WWOX: variants seen among roughly 807,000 people sequenced by gnomAD.
The protein encoded by WWOX is WW domain-containing oxidoreductase.
A neutral mutation model predicts 46.2 loss-of-function variants in WWOX; 69 were observed. That is an observed-to-expected ratio of 1.49 (90% CI 1.23 to 1.82). WWOX has a LOEUF of 1.82. Among genes scored for constraint, WWOX ranks in the 40% most tolerant of loss-of-function variants. The pLI is 0.00. For missense variants in WWOX, 919 were observed against 542.6 expected, an observed-to-expected ratio of 1.69 and a Z score of -6.89; for synonymous variants, 359 against 202.6, an observed-to-expected ratio of 1.77 and a Z score of -6.56.
At chr16:79,155,281 C>A (rs542937310) in intron 8 of WWOX, among the ~76,000 whole-genome samples, 1 of 152,092 alleles carries the variant, frequency 6.6e-6, no homozygotes, top group Non-Finnish European at 1.5e-5. Flanking sequence ...GAGGCCGAGG[C>A]AGGAGAATCA....
At chr16:78,841,249 A>G (rs756682766) in intron 8 of WWOX, among the ~76,000 whole-genome samples, 32 of 152,208 alleles carry the variant, frequency 2.1e-4, no homozygotes, top group African/African-American at 7.0e-4. Flanking sequence ...CAAGGTCTCA[A>G]TACCATCTTG....
chr16:78,592,981 T>G (rs2045386386), intron 8 of WWOX, among the ~76,000 whole-genome samples: 1 of 152,168 alleles, frequency 6.6e-6, no homozygotes, highest in South Asian at 2.1e-4. Flanking sequence ...GGTGGTGATT[T>G]AGTTGCTTGA....
chr16:78,356,374 G>T (rs1325228701), intron 5 of WWOX, among the ~76,000 whole-genome samples: 3 of 152,006 alleles, frequency 2.0e-5, no homozygotes, highest in Non-Finnish European at 2.9e-5. Flanking sequence ...AAGTAGTAAA[G>T]ATTCAAAGCC....
chr16:79,012,424 G>C (rs1336304291), intron 8 of WWOX, among the ~76,000 whole-genome samples: 1 of 152,040 alleles, frequency 6.6e-6, no homozygotes, highest in African/African-American at 2.4e-5. Context: ...GTAGAGATGG[G>C]GTTTCACCAC....
At chr16:78,365,882 C>T (rs986532913) in intron 5 of WWOX, among the ~76,000 whole-genome samples, 1 of 152,120 alleles carries the variant, frequency 6.6e-6, no homozygotes, top group Non-Finnish European at 1.5e-5. Context: ...CTTACAGAAA[C>T]ATTATTTTGT....
rs7192623 is a variant in WWOX at position 79,134,433 on chromosome 16, G to C, written c.1057-77175G>C. Among the ~76,000 whole-genome samples, 1,352 of 152,274 alleles carry C rather than the reference G, an allele frequency of 8.9e-3. 16 individuals carry two copies. Among genetic ancestry groups the C allele is most frequent in the African/African-American group, 0.031 (1,306 of 41,574 alleles). On this transcript the variant is annotated intron_variant, in intron 8 of 8. Coordinates refer to ENST00000566780, the MANE Select transcript of WWOX (RefSeq NM_016373.4). The stretch of plus-strand genomic sequence containing the variant: ...AGAGGCAGGGGCTGGAGGGACTGAA[G>C]TTATACAGGGTCCTGTTGGAGGGAG...
chr16:79,184,890 A>G (rs557018567), intron 8 of WWOX, among the ~76,000 whole-genome samples: 1 of 152,356 alleles, frequency 6.6e-6, no homozygotes, highest in South Asian at 2.1e-4. Context: ...GGAACAATCA[A>G]GAACGTGTTA....
chr16:78,528,428 C>G (rs374335119), intron 8 of WWOX, among the ~76,000 whole-genome samples: 3 of 151,790 alleles, frequency 2.0e-5, no homozygotes, highest in Admixed American at 6.6e-5. Flanking sequence ...GAAAGTGGCT[C>G]GTATTCAAGG....
At chr16:79,115,756 C>G (rs1056679131) in intron 8 of WWOX, among the ~76,000 whole-genome samples, 4 of 152,242 alleles carry the variant, frequency 2.6e-5, no homozygotes, top group African/African-American at 9.6e-5. Context: ...GTAGAAGTTT[C>G]AAGTTACAAG....
intron 5 of WWOX, among the ~76,000 whole-genome samples, chr16:78,300,370 A>C (rs1427184672): frequency 2.0e-5 from 3 of 152,084 alleles, no homozygotes; most frequent in Admixed American, 6.6e-5. Context: ...AGGATTCCGA[A>C]AGCTAGCGTG....
Position 78,114,990 on chromosome 16 carries a change from G to C in WWOX, c.245G>C (p.Arg82Thr), listed in dbSNP as rs1231571786. The change falls in exon 4 of 9, where the codon AGA becomes ACA. Residue 82 changes from arginine (R) to threonine (T), a missense_variant. Physicochemically the swap from Arg to Thr is moderately conservative, Grantham distance 71. Transcript: ENST00000566780. ...CTTTTGGGCAGCCATATAAATAAAA[G>C]AACCACCTACTTGGACCCAAGACTG... is the stretch of plus-strand genomic sequence containing the variant. ...QVFFVDHINK[R>T]TTYLDPRLAF... 1.2e-6 allele frequency: 2 copies of C among 1,614,156 alleles called. No homozygotes were observed. Among genetic ancestry groups the C allele is most frequent in the Non-Finnish European group, 1.7e-6 (2 of 1,180,024 alleles).
intron 8 of WWOX, among the ~76,000 whole-genome samples, chr16:78,612,140 G>A (rs1311756619): frequency 6.6e-6 from 1 of 152,230 alleles, no homozygotes; most frequent in African/African-American, 2.4e-5. Context: ...CTTTGGGCCA[G>A]AATTTGCTTA....
chr16:78,337,613 G>A (rs555200341), intron 5 of WWOX, among the ~76,000 whole-genome samples: 21 of 152,238 alleles, frequency 1.4e-4, no homozygotes, highest in East Asian at 3.9e-4. Context: ...TTCATACAGC[G>A]TAGTTTCACG....
At chr16:78,668,425 G>T (rs970170043) in intron 8 of WWOX, among the ~76,000 whole-genome samples, 11 of 152,220 alleles carry the variant, frequency 7.2e-5, no homozygotes, top group Admixed American at 5.9e-4. Flanking sequence ...AACCAGGAAT[G>T]ACATTCCAAG....
At position 78,349,954 on chromosome 16, in the gene WWOX, C is replaced by G. The variant is rs546836121; in HGVS notation, c.517-36906C>G. Among the ~76,000 whole-genome samples the G allele has an allele frequency of 1.3e-4, 16 of 121,160 alleles. No homozygotes were observed. In the East Asian group the frequency reaches 3.1e-3, roughly 23 times the overall value. 79.5% of individuals were successfully genotyped at this position (121,160 alleles called of 152,430 possible). A position where few individuals can be genotyped will look rare whatever the true frequency, so the allele number is the denominator to read the frequency against. On this transcript the variant is annotated intron_variant, in intron 5 of 8. Transcript: ENST00000566780. ...AAGTGTTCTCTCTTCTATGAATTAC[C>G]TAATGCCCATACCATACATATGCCT...
intron 8 of WWOX, among the ~76,000 whole-genome samples, chr16:78,542,411 C>G (rs759401873): frequency 6.6e-6 from 1 of 152,090 alleles, no homozygotes; most frequent in East Asian, 1.9e-4. Context: ...GTTGCAGGGA[C>G]CTGCAGTCAG....
intron 8 of WWOX, among the ~76,000 whole-genome samples, chr16:79,165,395 C>G (rs538833355): frequency 1.3e-5 from 2 of 152,282 alleles, no homozygotes; most frequent in South Asian, 4.1e-4. Flanking sequence ...GGAATCCTTT[C>G]TTATGATTAA....
intron 8 of WWOX, among the ~76,000 whole-genome samples, chr16:78,932,737 G>A (rs2045651024): frequency 6.6e-6 from 1 of 152,302 alleles, no homozygotes. Context: ...CATTGCTCAG[G>A]GCCTGGGAAG....
At chr16:78,197,552 C>A (rs1253767667) in intron 5 of WWOX, among the ~76,000 whole-genome samples, 1 of 152,130 alleles carries the variant, frequency 6.6e-6, no homozygotes, top group East Asian at 1.9e-4. Flanking sequence ...TGAAACATTT[C>A]TCCCATCTTT....
Sources: gnomAD v4.1 joint callset for allele counts (sites outside exome capture counted in the v4.1 genomes callset) on GRCh38, gnomAD v4.1.1 for gene constraint, MANE v1.5 for transcripts, NCBI Gene and HGNC (gene_info 2026-07-23, HGNC 2026-07-21) for gene names.